The following PTPRT variants were observed in gnomAD, a reference collection of about 807,000 sequenced individuals.
The protein encoded by PTPRT is receptor-type tyrosine-protein phosphatase T.
Under a neutral mutation model 176.8 loss-of-function variants are expected in PTPRT, and 56 were observed. The observed-to-expected ratio is 0.32, with a 90% confidence interval of 0.26 to 0.40. PTPRT has a LOEUF of 0.40. PTPRT is among the 10% of genes least tolerant of loss of function. The pLI, the probability that PTPRT is intolerant of heterozygous loss-of-function variation, is 1.00. For missense variants in PTPRT, 1,540 were observed against 1,908.2 expected (o/e 0.81, Z 3.60); for synonymous variants, 783 against 739.0 (o/e 1.06, Z -0.96).
intron 21 of PTPRT, among the ~76,000 whole-genome samples, chr20:42,117,151 T>A (rs1987329687): frequency 6.6e-6 from 1 of 152,216 alleles, no homozygotes; most frequent in African/African-American, 2.4e-5. Context: ...AAGGGTGGAC[T>A]CATGGGTAAA....
chr20:42,147,224 A>T (rs1163099626), intron 17 of PTPRT, among the ~76,000 whole-genome samples: 2 of 152,154 alleles, frequency 1.3e-5, no homozygotes, highest in African/African-American at 4.8e-5. Context: ...GAATGAGTGG[A>T]ATAATTAGTG....
intron 7 of PTPRT, among the ~76,000 whole-genome samples, chr20:42,577,517 A>G (rs2073282424): frequency 6.6e-6 from 1 of 152,208 alleles, no homozygotes. Flanking sequence ...GCAACAGAGT[A>G]AATAAGATGA....
intron 1 of PTPRT, among the ~76,000 whole-genome samples, chr20:43,030,685 T>C (rs1040095515): frequency 2.0e-5 from 3 of 152,134 alleles, no homozygotes; most frequent in Non-Finnish European, 1.5e-5. Flanking sequence ...TTGGGGGTTA[T>C]GGAGGAACAA....
intron 7 of PTPRT, among the ~76,000 whole-genome samples, chr20:42,489,008 TTGTGTGTGTGTGTGTG>T (rs56267962): frequency 0.023 from 3,043 of 131,240 alleles, 57 homozygotes; most frequent in African/African-American, 0.044. Flanking sequence ...TCAACCAAGT[TTGTGTGTGTGTGTGTG>T]TGTGTGTGTG....
At chr20:42,734,041 C>T (rs755614361) in intron 6 of PTPRT, among the ~76,000 whole-genome samples, 3 of 152,216 alleles carry the variant, frequency 2.0e-5, no homozygotes, top group South Asian at 2.1e-4. Context: ...GGCCCTGAAA[C>T]GCTGTGTCTG....
intron 1 of PTPRT, among the ~76,000 whole-genome samples, chr20:42,906,058 A>G (rs539639776): frequency 6.6e-6 from 1 of 152,306 alleles, no homozygotes; most frequent in South Asian, 2.1e-4. Context: ...AAGTATATAT[A>G]TATAAAAAAA....
chr20:42,773,967 C>T (rs2077098408), intron 4 of PTPRT, among the ~76,000 whole-genome samples: 1 of 152,214 alleles, frequency 6.6e-6, no homozygotes, highest in Non-Finnish European at 1.5e-5. Flanking sequence ...ATGCCTCTGA[C>T]TCCTCTCCAC....
intron 1 of PTPRT, among the ~76,000 whole-genome samples, chr20:43,135,308 C>T (rs563468541): frequency 1.3e-5 from 2 of 152,122 alleles, no homozygotes; most frequent in South Asian, 4.2e-4. Flanking sequence ...AAAGTGTTTA[C>T]AAAAACGTGA....
At chr20:42,724,461 C>A (rs975086688) in intron 6 of PTPRT, among the ~76,000 whole-genome samples, 1 of 152,172 alleles carries the variant, frequency 6.6e-6, no homozygotes, top group Non-Finnish European at 1.5e-5. Flanking sequence ...CAGGGCATTT[C>A]TTTCTTGTTT....
intron 6 of PTPRT, among the ~76,000 whole-genome samples, chr20:42,747,305 G>A (rs1036727995): frequency 1.3e-5 from 2 of 152,134 alleles, no homozygotes; most frequent in Non-Finnish European, 2.9e-5. Flanking sequence ...ACTCTTCCCT[G>A]GATACAGCAA....
At chr20:42,278,625 G>T (rs1002228378) in intron 13 of PTPRT, among the ~76,000 whole-genome samples, 2 of 152,042 alleles carry the variant, frequency 1.3e-5, no homozygotes, top group African/African-American at 4.8e-5. Flanking sequence ...TTTCTCAAAG[G>T]GGGACTGAAC....
At chr20:42,262,782 A>T (rs1190747057) in intron 13 of PTPRT, among the ~76,000 whole-genome samples, 1 of 151,788 alleles carries the variant, frequency 6.6e-6, no homozygotes, top group East Asian at 1.9e-4. Flanking sequence ...GAAACCAAAC[A>T]GCTCCAACAA....
chr20:42,058,151 G>C, the PTPRT span, among the ~76,000 whole-genome samples: 5 of 152,184 alleles, frequency 3.3e-5, no homozygotes, highest in Non-Finnish European at 7.3e-5. Flanking sequence ...GTACTAATGA[G>C]ATGACCAATG....
intron 1 of PTPRT, among the ~76,000 whole-genome samples, chr20:43,059,227 A>G (rs544967090): frequency 2.4e-4 from 37 of 152,234 alleles, no homozygotes; most frequent in African/African-American, 8.2e-4. Context: ...CATAGCCTTA[A>G]TGTTCTTTTT....
At chr20:42,827,756 G>GA (rs2078020461) in intron 2 of PTPRT, among the ~76,000 whole-genome samples, 1 of 150,890 alleles carries the variant, frequency 6.6e-6, no homozygotes, top group Non-Finnish European at 1.5e-5. Flanking sequence ...GAGATCTGAT[G>GA]GTTTTAAAGG....
At chr20:43,130,842 T>G (rs1158084144) in intron 1 of PTPRT, among the ~76,000 whole-genome samples, 1 of 148,420 alleles carries the variant, frequency 6.7e-6, no homozygotes, top group Non-Finnish European at 1.5e-5. Flanking sequence ...AAAAAGTATG[T>G]ATGGTACTAA....
At chr20:42,717,042 G>A (rs901510995) in intron 6 of PTPRT, among the ~76,000 whole-genome samples, 3 of 151,568 alleles carry the variant, frequency 2.0e-5, no homozygotes, top group Non-Finnish European at 4.4e-5. Context: ...GTTGTGGGGT[G>A]GGGGGAGGCG....
At chr20:43,128,576 C>T (rs2146373939) in intron 1 of PTPRT, among the ~76,000 whole-genome samples, 2 of 152,264 alleles carry the variant, frequency 1.3e-5, no homozygotes, top group Middle Eastern at 3.4e-3. Context: ...GGGTAGGTCA[C>T]CAAATGAGAA....
intron 1 of PTPRT, among the ~76,000 whole-genome samples, chr20:43,110,153 G>C (rs1281692034): frequency 6.6e-6 from 1 of 152,162 alleles, no homozygotes; most frequent in African/African-American, 2.4e-5. Context: ...CATGATGGAA[G>C]GTGAAGGGGA....
Sources: allele counts gnomAD v4.1 joint callset (sites outside exome capture counted in the v4.1 genomes callset), GRCh38; gene constraint gnomAD v4.1.1; transcripts MANE v1.5; gene names NCBI Gene and HGNC (gene_info 2026-07-23, HGNC 2026-07-21).